Variants in GSDMC observed in about 807,000 individuals in gnomAD.
GSDMC encodes gasdermin-C.
Under a neutral mutation model 58.0 loss-of-function variants are expected in GSDMC, and 59 were observed. That is an observed-to-expected ratio of 1.02 (90% CI 0.82 to 1.26). The LOEUF is 1.26. GSDMC is among the 50% of genes most tolerant of loss of function. The probability of loss-of-function intolerance (pLI) is 0.00; values close to 1 mark genes in which losing one functional copy is unlikely to be tolerated. For missense variants in GSDMC, 659 were observed against 598.5 expected (o/e 1.10, Z -1.06); for synonymous variants, 241 against 220.2 (o/e 1.09, Z -0.83).
chr8:129,736,509 A>G, the GSDMC span, among the ~76,000 whole-genome samples: 1 of 152,228 alleles, frequency 6.6e-6, no homozygotes, highest in Non-Finnish European at 1.5e-5. Flanking sequence ...AACGTAATCC[A>G]TCACATAAAC....
chr8:129,782,140 A>C (rs780467540), intron 1 of GSDMC, among the ~76,000 whole-genome samples: 12 of 152,242 alleles, frequency 7.9e-5, no homozygotes, highest in Admixed American at 4.6e-4. Flanking sequence ...GAAGAAATTG[A>C]TGAGGAAATT....
intron 2 of GSDMC, 71 bp downstream of exon 2, chr8:129,777,297 A>G (rs2034265048): frequency 1.1e-6 from 1 of 913,314 alleles, no homozygotes; most frequent in Admixed American, 1.9e-5. Flanking sequence ...TTATCTTTGG[A>G]TGGTGGGCCA....
chr8:129,777,694 G>T, intron 1 of GSDMC, 103 bp from the exon 2 acceptor site: 1 of 694,200 alleles, frequency 1.4e-6, no homozygotes, highest in South Asian at 1.7e-5. Flanking sequence ...CTACATATGA[G>T]ATTAGCAGGT....
chr8:129,707,154 A>G, the GSDMC span: 3 of 150,972 alleles, frequency 2.0e-5, no homozygotes, highest in African/African-American at 7.4e-5. Context: ...GATGGAAAGA[A>G]CCAAAACAAG....
At chr8:129,730,680 T>A in the GSDMC span, among the ~76,000 whole-genome samples, 1 of 152,212 alleles carries the variant, frequency 6.6e-6, no homozygotes, top group Non-Finnish European at 1.5e-5. Flanking sequence ...AATAAACCCA[T>A]CATAAGTCAA....
At chr8:129,768,133 G>A (rs116465486) in intron 3 of GSDMC, among the ~76,000 whole-genome samples, 2,852 of 152,216 alleles carry the variant, frequency 0.019, 96 homozygotes, top group African/African-American at 0.065. Context: ...CTCAGAGTAC[G>A]GGCAGTGGCC....
the GSDMC span, among the ~76,000 whole-genome samples, chr8:129,714,284 C>T: frequency 5.3e-5 from 8 of 152,280 alleles, no homozygotes; most frequent in South Asian, 2.1e-4. Flanking sequence ...TGATTATTGC[C>T]GCTCCAGAGA....
intron 1 of GSDMC, among the ~76,000 whole-genome samples, chr8:129,780,408 ATAAC>A (rs368991793): frequency 0.014 from 2,164 of 152,328 alleles, 59 homozygotes; most frequent in African/African-American, 0.049. Flanking sequence ...AAAAGAAAAA[ATAAC>A]AAACAATAAA....
chr8:129,723,014 A>T, the GSDMC span: 1 of 152,228 alleles, frequency 6.6e-6, no homozygotes. Flanking sequence ...ATTTCAGTGT[A>T]AGCACCACTG....
chr8:129,749,960 T>C, intron 12 of GSDMC, 30 bp downstream of exon 12: 1 of 1,554,936 alleles, frequency 6.4e-7, no homozygotes, highest in Non-Finnish European at 8.7e-7. Context: ...ATCTTGTGAT[T>C]CTCCCATTCT....
chr8:129,736,156 C>T, the GSDMC span, among the ~76,000 whole-genome samples: 67 of 152,162 alleles, frequency 4.4e-4, no homozygotes, highest in East Asian at 0.011. Context: ...AATTAATAGC[C>T]TACCAACCAA....
intron 11 of GSDMC, 101 bp from the exon 12 acceptor site, chr8:129,750,220 G>T (rs1488319771): frequency 1.9e-6 from 2 of 1,079,018 alleles, no homozygotes; most frequent in Admixed American, 2.9e-5. Context: ...AGGCATGAGG[G>T]TTCTCTACCT....
At chr8:129,781,694 G>A (rs914878385) in intron 1 of GSDMC, among the ~76,000 whole-genome samples, 27 of 150,210 alleles carry the variant, frequency 1.8e-4, no homozygotes, top group African/African-American at 4.2e-4. Context: ...GCAGTGGGCC[G>A]AGCGGAGATC....
At chr8:129,762,254 A>G (rs1215212731) in intron 5 of GSDMC, among the ~76,000 whole-genome samples, 11 of 152,330 alleles carry the variant, frequency 7.2e-5, no homozygotes, top group Admixed American at 2.0e-4. Context: ...ATGTGGGGTT[A>G]TGGGTAACCT....
chr8:129,757,631 T>G (rs1014622052), intron 6 of GSDMC, among the ~76,000 whole-genome samples: 2 of 151,938 alleles, frequency 1.3e-5, no homozygotes, highest in African/African-American at 4.8e-5. Context: ...AGGCAATATC[T>G]CTGATGAATA....
In GSDMC at chr8:129,765,611, T is replaced by A; in HGVS notation, c.570+17A>T. ...TATTTTTTTGAATTTCAATCCCACT[T>A]CAGGACAACTTTATACCTTGCCATA... On this transcript the variant is annotated intron_variant, in intron 4 of 13. Transcript: ENST00000276708. 6.2e-7 allele frequency: 1 copy of A among 1,604,130 alleles called. No homozygotes were observed. The highest frequency in any genetic ancestry group is 8.5e-7 in the Non-Finnish European group (1 of 1,171,234).
the GSDMC span, among the ~76,000 whole-genome samples, chr8:129,708,168 G>A: frequency 6.6e-6 from 1 of 152,200 alleles, no homozygotes; most frequent in Non-Finnish European, 1.5e-5. Flanking sequence ...TAAGACTGTG[G>A]CAGCAGGGCA....
In GSDMC at chr8:129,750,472, T is replaced by C. The variant is rs1244811507; in HGVS notation, c.1042A>G (p.Met348Val). ...TGTAGAGCCCCTCTGTCTCTGAGCA[T>C]GGCCAGGATACTGTAGAACATGACA... ...QDVMFYSILA[M>V]LRDRGALQDL... The change falls in exon 11 of 14, where the codon ATG becomes GTG. Residue 348 changes from methionine (M) to valine (V), a missense_variant. Physicochemically the swap from Met to Val is conservative, Grantham distance 21 (BLOSUM62 1). Coordinates refer to ENST00000276708, the MANE Select transcript of GSDMC (RefSeq NM_031415.3). 1 of 1,613,972 alleles carries C rather than the reference T, an allele frequency of 6.2e-7. No homozygotes were observed. The highest frequency in any genetic ancestry group is 1.3e-5 in the African/African-American group (1 of 74,942).
intron 4 of GSDMC, among the ~76,000 whole-genome samples, chr8:129,765,313 A>G (rs2033816775): frequency 6.6e-6 from 1 of 152,290 alleles, no homozygotes; most frequent in Non-Finnish European, 1.5e-5. Flanking sequence ...TGTATATAAC[A>G]CAGTGGCCAC....
Sources: gnomAD v4.1 joint callset for allele counts (sites outside exome capture counted in the v4.1 genomes callset) on GRCh38, gnomAD v4.1.1 for gene constraint, MANE v1.5 for transcripts, NCBI Gene and HGNC (gene_info 2026-07-23, HGNC 2026-07-21) for gene names.